The following INPP4B variants were observed in gnomAD, a reference collection of about 807,000 sequenced individuals.
INPP4B encodes the protein inositol polyphosphate 4-phosphatase type II.
A neutral mutation model predicts 122.5 loss-of-function variants in INPP4B; 55 were observed. The ratio of observed to expected loss-of-function variants is 0.45; its 90% CI spans 0.36 to 0.56. The LOEUF is 0.56. Among genes scored for constraint, INPP4B ranks in the 20% least tolerant of loss-of-function variants. The probability of loss-of-function intolerance (pLI) is 0.00; values close to 1 mark genes in which losing one functional copy is unlikely to be tolerated. For missense variants in INPP4B, 1,000 were observed against 1,097.7 expected, an observed-to-expected ratio of 0.91 and a Z score of 1.26; for synonymous variants, 403 against 388.7, an observed-to-expected ratio of 1.04 and a Z score of -0.43.
At chr4:142,720,803 C>CTATATATA (rs1274255676) in intron 2 of INPP4B, among the ~76,000 whole-genome samples, 28 of 18,640 alleles carry the variant, frequency 1.5e-3, no homozygotes, top group East Asian at 4.7e-3. Context: ...CTCTCTCTCT[C>CTATATATA]TCTCTCTATA....
intron 1 of INPP4B, among the ~76,000 whole-genome samples, chr4:142,758,624 A>T (rs1025373006): frequency 6.6e-6 from 1 of 152,116 alleles, no homozygotes; most frequent in African/African-American, 2.4e-5. Context: ...TCACATAGAG[A>T]TCACAGAAAC....
intron 14 of INPP4B, among the ~76,000 whole-genome samples, chr4:142,198,222 C>T (rs962345690): frequency 1.3e-5 from 2 of 152,024 alleles, no homozygotes; most frequent in Admixed American, 6.5e-5. Flanking sequence ...CCACTGAACA[C>T]ACACTATTTT....
At chr4:142,453,400 C>G (rs1814726360) in intron 3 of INPP4B, among the ~76,000 whole-genome samples, 2 of 152,122 alleles carry the variant, frequency 1.3e-5, no homozygotes, top group South Asian at 4.1e-4. Flanking sequence ...ACTTCAGGTT[C>G]AAATTAGTAT....
intron 2 of INPP4B, among the ~76,000 whole-genome samples, chr4:142,595,686 A>C (rs2150270383): frequency 6.6e-6 from 1 of 152,234 alleles, no homozygotes; most frequent in South Asian, 2.1e-4. Context: ...TAAACAATCA[A>C]CTTGGCAAGG....
intron 18 of INPP4B, among the ~76,000 whole-genome samples, chr4:142,129,106 C>G (rs1176203298): frequency 6.6e-6 from 1 of 152,060 alleles, no homozygotes; most frequent in African/African-American, 2.4e-5. Context: ...AGAAATGAGC[C>G]AGCTCTTAGG....
intron 2 of INPP4B, among the ~76,000 whole-genome samples, chr4:142,720,381 C>T (rs1237465571): frequency 6.6e-6 from 1 of 152,038 alleles, no homozygotes; most frequent in Non-Finnish European, 1.5e-5. Context: ...ACATCAAATT[C>T]ATTAAAAATA....
chr4:142,275,246 G>GA (rs1747818106), intron 9 of INPP4B, among the ~76,000 whole-genome samples: 1 of 150,642 alleles, frequency 6.6e-6, no homozygotes, highest in African/African-American at 2.4e-5. Context: ...TTAATAGAGG[G>GA]AAAAAAAGAA....
intron 7 of INPP4B, among the ~76,000 whole-genome samples, chr4:142,372,652 TATTTC>T (rs1170438767): frequency 6.6e-6 from 1 of 152,092 alleles, no homozygotes; most frequent in Non-Finnish European, 1.5e-5. Context: ...CCCAAGGTCT[TATTTC>T]ATTTCCAGTA....
intron 2 of INPP4B, among the ~76,000 whole-genome samples, chr4:142,679,552 AGTT>A (rs544756458): frequency 5.9e-4 from 89 of 151,936 alleles, no homozygotes; most frequent in Non-Finnish European, 1.0e-3. Context: ...ATTCCAATAT[AGTT>A]GTTGTGTAGT....
chr4:142,258,212 T>G (rs1027354363), intron 11 of INPP4B, among the ~76,000 whole-genome samples: 6 of 152,168 alleles, frequency 3.9e-5, no homozygotes, highest in African/African-American at 1.4e-4. Context: ...TCAAGATGGA[T>G]TAAAGACTTA....
chr4:142,109,675 T>A (rs1319431809), intron 22 of INPP4B, among the ~76,000 whole-genome samples: 3 of 152,204 alleles, frequency 2.0e-5, no homozygotes, highest in Non-Finnish European at 1.5e-5. Flanking sequence ...TCTATGATAC[T>A]TCCCCCACGG....
chr4:142,528,753 T>C (rs1167191954), intron 2 of INPP4B, among the ~76,000 whole-genome samples: 3 of 152,132 alleles, frequency 2.0e-5, no homozygotes, highest in African/African-American at 7.2e-5. Flanking sequence ...CAAGCTGAAC[T>C]AGCTGCTCTT....
chr4:142,051,958 G>A (rs1013586208), intron 25 of INPP4B, among the ~76,000 whole-genome samples: 8 of 151,964 alleles, frequency 5.3e-5, no homozygotes, highest in Non-Finnish European at 1.2e-4. Flanking sequence ...AAGCAATGTG[G>A]ATTCCTTATA....
intron 1 of INPP4B, among the ~76,000 whole-genome samples, chr4:142,729,698 T>C (rs1032967594): frequency 1.3e-5 from 2 of 152,176 alleles, no homozygotes; most frequent in Admixed American, 6.5e-5. Flanking sequence ...TGTACTATGC[T>C]TGATGCAGGT....
chr4:142,335,107 TGAAAAAAA>T (rs1212985763), intron 7 of INPP4B, among the ~76,000 whole-genome samples: 868 of 31,424 alleles, frequency 0.028, 12 homozygotes, highest in African/African-American at 0.083. Context: ...CTGGGAAAAA[TGAAAAAAA>T]AAAAAAAAAA....
chr4:142,720,507 T>C (rs1278382286), intron 2 of INPP4B, among the ~76,000 whole-genome samples: 1 of 151,846 alleles, frequency 6.6e-6, no homozygotes, highest in Non-Finnish European at 1.5e-5. Context: ...TCTTTGCACA[T>C]AACCTATGCA....
intron 11 of INPP4B, among the ~76,000 whole-genome samples, chr4:142,253,856 G>A (rs1233642265): frequency 6.6e-6 from 1 of 152,138 alleles, no homozygotes; most frequent in Non-Finnish European, 1.5e-5. Flanking sequence ...GCCCACCACA[G>A]CTCAAGGAGG....
chr4:142,063,764 G>T (rs976085346), intron 25 of INPP4B, among the ~76,000 whole-genome samples: 1 of 151,960 alleles, frequency 6.6e-6, no homozygotes, highest in Non-Finnish European at 1.5e-5. Context: ...AAGGTTATTA[G>T]TGTACTTTTG....
intron 24 of INPP4B, 45 bp from the exon 25 acceptor site, chr4:142,082,230 C>A (rs756525437): frequency 1.4e-6 from 2 of 1,449,324 alleles, no homozygotes; most frequent in Non-Finnish European, 9.3e-7. Context: ...ATTTGTAATA[C>A]CGTAAAGTGT....
Sources: allele counts gnomAD v4.1 joint callset (sites outside exome capture counted in the v4.1 genomes callset), GRCh38; gene constraint gnomAD v4.1.1; transcripts MANE v1.5; gene names NCBI Gene and HGNC (gene_info 2026-07-23, HGNC 2026-07-21).